NEB: variants seen among roughly 807,000 people sequenced by gnomAD.
NEB encodes the protein nebulin, also known as nemaline myopathy type 2.
Under a neutral mutation model 952.2 loss-of-function variants are expected in NEB, and 512 were observed. The ratio of observed to expected loss-of-function variants is 0.54; its 90% CI spans 0.50 to 0.58. NEB has a LOEUF of 0.58. Among genes scored for constraint, NEB ranks in the 20% least tolerant of loss-of-function variants. NEB has a pLI of 0.00. For missense variants in NEB, 8,428 were observed against 9,231.1 expected, an observed-to-expected ratio of 0.91 and a Z score of 3.56; for synonymous variants, 2,900 against 3,149.8, an observed-to-expected ratio of 0.92 and a Z score of 2.66.
intron 40 of NEB, 97 bp downstream of exon 40, chr2:151,667,707 T>A (rs530643847): frequency 3.6e-6 from 3 of 842,456 alleles, no homozygotes; most frequent in Non-Finnish European, 5.4e-6. Flanking sequence ...TTTTTTTTTA[T>A]TTCTGTAGAG....
intron 13 of NEB, among the ~76,000 whole-genome samples, chr2:151,702,308 G>A (rs1166865235): frequency 1.3e-5 from 2 of 151,908 alleles, no homozygotes; most frequent in Non-Finnish European, 2.9e-5. Context: ...TTTTGGAATA[G>A]GTGTGGTGTG....
chr2:151,494,748 A>G (rs930725204), intron 173 of NEB, among the ~76,000 whole-genome samples: 2 of 152,156 alleles, frequency 1.3e-5, no homozygotes, highest in African/African-American at 4.8e-5. Flanking sequence ...TCCCGGGTTC[A>G]AGTGATTCTT....
intron 181 of NEB, chr2:151,486,145 C>T (rs565808934): frequency 2.7e-5 from 14 of 519,036 alleles, no homozygotes; most frequent in Non-Finnish European, 4.5e-5. Context: ...GAACATATGA[C>T]GAACTCCTAC....
rs1453460375 is a variant in NEB at position 151,631,147 on chromosome 2, T to C, written c.9614A>G (p.Asn3205Ser). ...CTTAAGGCAGCTAGGACTCACCTTA[T>C]TCATGTTGAGAGCATTGTTCTTGGC... ...VLAKNNALNMNKRLYTEAWDK... is the reference protein window; with the variant it reads ...VLAKNNALNMSKRLYTEAWDK... Residue 3205 changes from asparagine to serine, a missense_variant, in exon 66 of 182, where the codon AAT becomes AGT. Physicochemically the swap from Asn to Ser is conservative, Grantham distance 46. Around this residue, in one of 11 missense-constraint regions of NEB, gnomAD observed 1,772 missense variants for 1,960.3 expected, o/e 0.90. Transcript: ENST00000397345. 1.2e-6 allele frequency: 2 copies of C among 1,613,924 alleles called. No individual in the cohort carries two copies. The highest frequency in any genetic ancestry group is 1.1e-5 in the South Asian group (1 of 91,078).
chr2:151,538,236 G>A lies in NEB; in HGVS notation c.20901C>T (p.Tyr6967=), dbSNP rs1311480674. ...CTTTGGTCTTTTGAAATGTTTCTTT[G>A]TAGCGTAGCTAGAAAGAGAAAAAAC... is the stretch of plus-strand genomic sequence containing the variant. The part of the protein sequence containing the change: ...RAYWNASDLR[Y]KETFQKTKGK... The change falls in exon 139 of 182, where the codon TAC becomes TAT. Residue 6967 remains tyrosine (Y), a synonymous_variant. Coordinates refer to ENST00000397345, the MANE Select transcript of NEB (RefSeq NM_001164508.2). The A allele has an allele frequency of 6.2e-7, 1 of 1,607,694 alleles. No individual in the cohort carries two copies. The highest frequency in any genetic ancestry group is 1.7e-5 in the Admixed American group (1 of 59,980).
chr2:151,557,774 A>G (rs919430407), intron 124 of NEB, among the ~76,000 whole-genome samples: 1 of 152,238 alleles, frequency 6.6e-6, no homozygotes, highest in Non-Finnish European at 1.5e-5. Context: ...AAACCACATG[A>G]TTATCTCAAT....
chr2:151,615,617 C>T (rs1024930006), intron 76 of NEB, among the ~76,000 whole-genome samples: 3 of 152,180 alleles, frequency 2.0e-5, no homozygotes, highest in Non-Finnish European at 4.4e-5. Context: ...TGTATATTGG[C>T]TGTTTCTCAC....
At chr2:151,543,079 C>G (rs1264284460) in intron 135 of NEB, among the ~76,000 whole-genome samples, 2 of 152,138 alleles carry the variant, frequency 1.3e-5, no homozygotes, top group Non-Finnish European at 2.9e-5. Context: ...CTATATAAAG[C>G]CATTTATCAC....
intron 173 of NEB, among the ~76,000 whole-genome samples, chr2:151,494,496 A>G (rs1040258296): frequency 2.6e-5 from 4 of 152,138 alleles, no homozygotes; most frequent in Admixed American, 6.5e-5. Context: ...TGTTCCTCAA[A>G]AGGATGAGAA....
At chr2:151,635,346 TG>T (rs893761077) in intron 64 of NEB, among the ~76,000 whole-genome samples, 2 of 152,182 alleles carry the variant, frequency 1.3e-5, no homozygotes, top group African/African-American at 4.8e-5. Context: ...AGCCGTCATT[TG>T]TTCCTCAAGA....
At chr2:151,559,318 T>C (rs1308818266) in intron 124 of NEB, among the ~76,000 whole-genome samples, 2 of 152,166 alleles carry the variant, frequency 1.3e-5, no homozygotes, top group African/African-American at 4.8e-5. Context: ...TGTAAAGAAA[T>C]AGGAAGACTT....
chr2:151,719,886 CAAAAAAAA>C (rs34116466), intron 9 of NEB, among the ~76,000 whole-genome samples: 1 of 103,618 alleles, frequency 9.7e-6, no homozygotes, highest in Non-Finnish European at 1.8e-5. Flanking sequence ...GACCCTGTCT[CAAAAAAAA>C]AAAAAAAAAA....
At position 151,655,346 on chromosome 2, in the gene NEB, T is replaced by C. The variant is rs1455170293; in HGVS notation, c.6731A>G (p.Asp2244Gly). The change falls in exon 51 of 182, where the codon GAT becomes GGT. Residue 2244 changes from aspartate (D) to glycine (G), a missense_variant. Asp to Gly is a moderately conservative substitution (Grantham distance 94, BLOSUM62 -1). Transcript: ENST00000397345. ...AGGCATCACATGAATCTTGGTCTTA[T>C]CTTTATTCCAATCAATGGTGTATAA... is the stretch of plus-strand genomic sequence containing the variant. ...KHLYTIDWNK[D>G]KTKIHVMPDT... 1 of 1,598,190 alleles carries C rather than the reference T, an allele frequency of 6.3e-7. No individual in the cohort carries two copies.
rs368614143 is a variant in NEB, at chr2:151,724,406, C to G, written c.508-42G>C. 2.1e-6 allele frequency: 3 copies of G among 1,448,474 alleles called. No individual in the cohort carries two copies. The South Asian group carries it at 3.6e-5, about 17-fold the overall frequency. 89.7% of individuals were successfully genotyped at this position (1,448,474 alleles called of 1,614,324 possible). A position where few individuals can be genotyped will look rare whatever the true frequency, so the allele number is the denominator to read the frequency against. On this transcript the variant is annotated intron_variant, in intron 7 of 181. Coordinates refer to ENST00000397345, the MANE Select transcript of NEB (RefSeq NM_001164508.2). The stretch of plus-strand genomic sequence containing the variant: ...GAGGATCTGTGGCTTGAGGTCTCAC[C>G]CAAAGGCATGAGGATTTAAACAACA...
chr2:151,531,040 G>A lies in NEB; in HGVS notation c.21584C>T (p.Thr7195Ile), dbSNP rs200104698. Residue 7195 changes from threonine to isoleucine, a missense_variant, in exon 145 of 182, where the codon ACA (threonine) becomes ATA (isoleucine). Transcript: ENST00000397345. ...KPRGYTTIHDTPMLLHVRKVK... is the reference protein window; with the variant it reads ...KPRGYTTIHDIPMLLHVRKVK... ...CTTGCGGACATGCAGCAACATGGGT[G>A]TGTCGTGGATTGTGGTGTAGCCTCT... 109 of 1,613,426 alleles carry A rather than the reference G, an allele frequency of 6.8e-5. No homozygotes were observed. The highest frequency in any genetic ancestry group is 9.1e-5 in the Non-Finnish European group (107 of 1,179,648).
In NEB at chr2:151,665,374, C is replaced by G; in HGVS notation, c.5197G>C (p.Glu1733Gln). ...TTGTTACTCTTGTTAAGTGCCTGTT[C>G]CATTGTGTCCATGGCGTAAGTGAAC... ...LKFTYAMDTM[E>Q]QALNKSNKLN... The change falls in exon 42 of 182, where the codon GAA (glutamate) becomes CAA (glutamine). Residue 1733 changes from glutamate (E) to glutamine (Q), a missense_variant. Physicochemically the swap from Glu to Gln is conservative, Grantham distance 29. This residue lies in a region of NEB where 2,851 missense variants were observed against 2,791.5 expected (regional missense o/e 1.02). Coordinates refer to ENST00000397345, the MANE Select transcript of NEB (RefSeq NM_001164508.2). 1 of 1,613,630 alleles carries G rather than the reference C, an allele frequency of 6.2e-7. No homozygotes were observed. Among genetic ancestry groups the G allele is most frequent in the Non-Finnish European group, 8.5e-7 (1 of 1,179,782 alleles).
chr2:151,680,336 AT>A (rs2148625028), intron 30 of NEB, among the ~76,000 whole-genome samples: 1 of 151,428 alleles, frequency 6.6e-6, no homozygotes, highest in African/African-American at 2.4e-5. Flanking sequence ...TTTGTGGGCA[AT>A]TAAAAGGACT....
rs760986524 is a variant in NEB, at chr2:151,724,369, A to C, written c.508-5T>G. The C allele has an allele frequency of 6.2e-7, 1 of 1,601,666 alleles. No homozygotes were observed. The highest frequency in any genetic ancestry group is 8.5e-7 in the Non-Finnish European group (1 of 1,171,950). On this transcript the variant is annotated splice_region_variant and splice_polypyrimidine_tract_variant and intron_variant, in intron 7 of 181. Transcript: ENST00000397345. ...CCAGTTCTGCTTGTATAAAACCTAG[A>C]CAGAAGGAGCAGAGGATCTGTGGCT...
rs893287766 is a variant in NEB at position 151,687,504 on chromosome 2, C to T, written c.2552G>A (p.Ser851Asn). The part of the protein sequence containing the change: ...DVMYKKDYEK[S>N]KGKMIGALSI... ...GAGGGCTCCAATCATTTTCCCTTTG[C>T]TCTTTTCATAGTCTTTCTTGTACAT... Residue 851 changes from serine (S) to asparagine (N), a missense_variant, in exon 27 of 182, where the codon AGC becomes AAC. This residue lies in a region of NEB where 2,851 missense variants were observed against 2,791.5 expected (regional missense o/e 1.02). Coordinates refer to ENST00000397345, the MANE Select transcript of NEB (RefSeq NM_001164508.2). 16 of 1,613,816 alleles carry T rather than the reference C, an allele frequency of 9.9e-6. No individual in the cohort carries two copies. In the Admixed American group the frequency reaches 1.2e-4, roughly 12 times the overall value.
Sources: gnomAD v4.1 joint callset for allele counts (sites outside exome capture counted in the v4.1 genomes callset) on GRCh38, gnomAD v4.1.1 for gene constraint, gnomAD v4.1.1 regional missense constraint, MANE v1.5 for transcripts, NCBI Gene and HGNC (gene_info 2026-07-23, HGNC 2026-07-21) for gene names.